GRIK1: variants seen among roughly 807,000 people sequenced by gnomAD.
GRIK1 encodes glutamate ionotropic receptor kainate type subunit 1.
Under a neutral mutation model 105.7 loss-of-function variants are expected in GRIK1, and 69 were observed. The ratio of observed to expected loss-of-function variants is 0.65; its 90% confidence interval spans 0.54 to 0.80. The LOEUF is 0.80. Ranked by LOEUF, GRIK1 falls within the 30% of genes least tolerant of loss-of-function variation. The pLI is 0.00. For missense variants in GRIK1, 1,109 were observed against 1,167.3 expected (o/e 0.95, Z 0.73); for synonymous variants, 438 against 431.3 (o/e 1.02, Z -0.19).
rs145930319 is a variant in GRIK1, at chr21:29,810,897, G to A, written c.119-116834C>T. Among the ~76,000 whole-genome samples the A allele has an allele frequency of 3.7e-3, 563 of 152,260 alleles. 1 individual carries two copies. The highest frequency in any genetic ancestry group is 0.012 in the African/African-American group (511 of 41,552). ...AGATAACAACAAAGGTGATGTGGCA[G>A]CTGGATTACTCTGAGAATGAGAACA... is the stretch of plus-strand genomic sequence containing the variant. On this transcript the variant is annotated intron_variant, in intron 1 of 17. Transcript: ENST00000327783.
intron 1 of GRIK1, among the ~76,000 whole-genome samples, chr21:29,808,370 T>C (rs2066918713): frequency 6.6e-6 from 1 of 152,188 alleles, no homozygotes; most frequent in African/African-American, 2.4e-5. Context: ...TGGGCTTGCC[T>C]CTGGCTCACA....
intron 15 of GRIK1, among the ~76,000 whole-genome samples, chr21:29,558,041 C>A (rs1244229950): frequency 6.6e-6 from 1 of 152,114 alleles, no homozygotes; most frequent in Non-Finnish European, 1.5e-5. Context: ...TAATTTTCAG[C>A]CTCCTGGTAA....
In GRIK1 at chr21:29,909,789, C is replaced by T. The variant is rs77463670; in HGVS notation, c.118+29594G>A. The stretch of plus-strand genomic sequence containing the variant: ...ATTTACCAAGGAATCCGCAGAGAAG[C>T]GGAGAGAGCCTGGGCGTCTGGGAAT... On this transcript the variant is annotated intron_variant, in intron 1 of 17. Transcript: ENST00000327783. Among the ~76,000 whole-genome samples the T allele has an allele frequency of 9.3e-3, 1,409 of 152,184 alleles. 19 individuals are homozygous for T. Among genetic ancestry groups the T allele is most frequent in the African/African-American group, 0.03 (1,234 of 41,526 alleles).
chr21:29,829,954 A>C (rs2067579166), intron 1 of GRIK1, among the ~76,000 whole-genome samples: 1 of 152,186 alleles, frequency 6.6e-6, no homozygotes. Context: ...GAAGAAAAAA[A>C]AAATGTGTTG....
At chr21:29,794,727 T>C (rs2066510367) in intron 1 of GRIK1, among the ~76,000 whole-genome samples, 1 of 152,164 alleles carries the variant, frequency 6.6e-6, no homozygotes, top group African/African-American at 2.4e-5. Context: ...ATTGTACAGT[T>C]TGTTTTTCAT....
At chr21:29,843,541 T>A (rs998049926) in intron 1 of GRIK1, among the ~76,000 whole-genome samples, 2 of 152,208 alleles carry the variant, frequency 1.3e-5, no homozygotes, top group African/African-American at 2.4e-5. Context: ...GATTTTTTTT[T>A]AAATGTAAAA....
intron 4 of GRIK1, among the ~76,000 whole-genome samples, chr21:29,656,803 C>A (rs1347079680): frequency 6.6e-6 from 1 of 152,098 alleles, no homozygotes; most frequent in African/African-American, 2.4e-5. Flanking sequence ...GCATGAACAC[C>A]AGTCCTACAC....
At chr21:29,894,566 C>T (rs1025694655) in intron 1 of GRIK1, among the ~76,000 whole-genome samples, 5 of 152,006 alleles carry the variant, frequency 3.3e-5, no homozygotes, top group Admixed American at 2.0e-4. Flanking sequence ...TTTCCTAGTT[C>T]GCTGACTCAA....
rs191762791 is a variant in GRIK1, at chr21:29,795,823, A to C, written c.119-101760T>G. Among the ~76,000 whole-genome samples, 17 of 152,206 alleles carry C rather than the reference A, an allele frequency of 1.1e-4. No individual in the cohort carries two copies. In the East Asian group the frequency reaches 3.3e-3, roughly 29 times the overall value. On this transcript the variant is annotated intron_variant, in intron 1 of 17. Coordinates refer to ENST00000327783, the MANE Select transcript of GRIK1 (RefSeq NM_001330994.2). ...GCTAGCAAGAGAGTTGCATATCATG[A>C]ATCTTTTCTTTTGATAGTGAGGCTA...
chr21:29,621,405 T>TG (rs1199114098), intron 7 of GRIK1, among the ~76,000 whole-genome samples: 15 of 151,730 alleles, frequency 9.9e-5, no homozygotes, highest in African/African-American at 3.6e-4. Flanking sequence ...TGTGTGTGTG[T>TG]GTGTGTGGGG....
At chr21:29,603,552 G>A (rs543717963) in intron 7 of GRIK1, among the ~76,000 whole-genome samples, 20 of 152,274 alleles carry the variant, frequency 1.3e-4, no homozygotes, top group Admixed American at 1.2e-3. Context: ...AGTAGGAGGT[G>A]TCCTCTTGTG....
intron 1 of GRIK1, among the ~76,000 whole-genome samples, chr21:29,810,811 T>C (rs980009736): frequency 4.6e-5 from 7 of 152,056 alleles, no homozygotes; most frequent in Non-Finnish European, 7.4e-5. Context: ...GAAATGTTCA[T>C]CAAGCATCTA....
chr21:29,880,156 A>G (rs2069351327), intron 1 of GRIK1, among the ~76,000 whole-genome samples: 3 of 152,090 alleles, frequency 2.0e-5, no homozygotes, highest in Admixed American at 6.6e-5. Context: ...TTGAGGTGCT[A>G]AACACAAAAA....
At chr21:29,836,610 G>T (rs1009750246) in intron 1 of GRIK1, among the ~76,000 whole-genome samples, 1 of 151,982 alleles carries the variant, frequency 6.6e-6, no homozygotes, top group East Asian at 1.9e-4. Context: ...ATGAAAGTTG[G>T]ATATTTTGAT....
intron 1 of GRIK1, among the ~76,000 whole-genome samples, chr21:29,876,107 TAG>T (rs1169189765): frequency 9.3e-6 from 1 of 107,570 alleles, no homozygotes; most frequent in African/African-American, 3.6e-5. Context: ...GGGGAGGAGA[TAG>T]ATATGTGTGT....
chr21:29,665,849 G>GGTCACATTC (rs1284828575), intron 4 of GRIK1, among the ~76,000 whole-genome samples: 4 of 152,220 alleles, frequency 2.6e-5, no homozygotes, highest in African/African-American at 9.6e-5. Flanking sequence ...TGTGTGACCT[G>GGTCACATTC]AAGCCTCATT....
Position 29,790,028 on chromosome 21 carries a change from T to C in GRIK1, c.119-95965A>G, listed in dbSNP as rs1417971994. Among the ~76,000 whole-genome samples the C allele has an allele frequency of 2.0e-5, 3 of 152,168 alleles. No individual in the cohort carries two copies. In the East Asian group the frequency reaches 5.8e-4, roughly 29 times the overall value. On this transcript the variant is annotated intron_variant, in intron 1 of 17. Transcript: ENST00000327783. ...ACTGAGTGACATGTTCACGTAAGTC[T>C]CCTTTAATATTTATTTATTTATCTA...
At chr21:29,860,540 T>C (rs937691929) in intron 1 of GRIK1, among the ~76,000 whole-genome samples, 1 of 152,198 alleles carries the variant, frequency 6.6e-6, no homozygotes, top group East Asian at 1.9e-4. Flanking sequence ...TGTCCACAAA[T>C]GGGTCAAAGA....
chr21:29,599,377 A>G (rs956815410), intron 7 of GRIK1, among the ~76,000 whole-genome samples: 1 of 152,210 alleles, frequency 6.6e-6, no homozygotes, highest in African/African-American at 2.4e-5. Flanking sequence ...TGCAGTTTTT[A>G]GGCTGTTTAT....
Sources: gnomAD v4.1 joint callset for allele counts (sites outside exome capture counted in the v4.1 genomes callset) on GRCh38, gnomAD v4.1.1 for gene constraint, MANE v1.5 for transcripts, NCBI Gene and HGNC (gene_info 2026-07-23, HGNC 2026-07-21) for gene names.